TASL: variants seen among roughly 807,000 people sequenced by gnomAD.
TASL encodes the protein TLR adaptor interacting with endolysosomal SLC15A4.
Under a neutral mutation model 12.9 loss-of-function variants are expected in TASL, and 6 were observed. The observed-to-expected ratio is 0.46, with a 90% CI of 0.25 to 0.92. The LOEUF (loss-of-function observed/expected upper bound fraction) is 0.92. TASL is among the 40% of genes least tolerant of loss of function. The pLI, the probability that TASL is intolerant of heterozygous loss-of-function variation, is 0.17. For synonymous variants in TASL, 85 were observed against 79.3 expected (o/e 1.07, Z -0.38); for missense variants, 165 against 212.8 (o/e 0.78, Z 1.40).
intron 2 of TASL, among the ~76,000 whole-genome samples, chrX:30,573,166 C>T (rs1308047247): frequency 1.8e-5 from 2 of 112,201 alleles, no homozygotes; most frequent in Non-Finnish European, 3.8e-5. Flanking sequence ...ATACCCCTTC[C>T]AAGGCCACAC....
At chrX:30,575,136 CTATAT>C (rs1247369861) in intron 2 of TASL, among the ~76,000 whole-genome samples, 1 of 111,460 alleles carries the variant, frequency 9.0e-6, no homozygotes, top group African/African-American at 3.3e-5. Flanking sequence ...CTCTTTACCT[CTATAT>C]TATATTACCC....
At chrX:30,567,094 G>A (rs1243951491) in intron 2 of TASL, among the ~76,000 whole-genome samples, 1 of 110,365 alleles carries the variant, frequency 9.1e-6, no homozygotes, top group Non-Finnish European at 1.9e-5. Context: ...TTTGAGACCA[G>A]CTTGGGCAAT....
chrX:30,561,601 T>C lies in TASL; in HGVS notation c.-1-1245A>G, dbSNP rs778523296. Among the ~76,000 whole-genome samples the C allele has an allele frequency of 5.4e-5, 6 of 112,143 alleles. No individual in the cohort carries two copies. The South Asian group carries it at 2.2e-3, about 42-fold the overall frequency. On this transcript the variant is annotated intron_variant, in intron 2 of 2. Transcript: ENST00000378962. ...CCATACATAAAGGTCCTTTTAAAAA[T>C]TGTTAACATCTCTTTTACATTCATG... is the stretch of plus-strand genomic sequence containing the variant.
chrX:30,571,256 G>GAAAGAGAAAGAAAGAAAGAAAGAAAGAA (rs1179232270), intron 2 of TASL, among the ~76,000 whole-genome samples: 7 of 36,802 alleles, frequency 1.9e-4, no homozygotes, highest in African/African-American at 2.7e-4. Flanking sequence ...GAGAAAGAAA[G>GAAAGAGAAAGAAAGAAAGAAAGAAAGAA]AGAAAGAAAG....
At chrX:30,566,050 C>A (rs1431830034) in intron 2 of TASL, among the ~76,000 whole-genome samples, 1 of 109,917 alleles carries the variant, frequency 9.1e-6, no homozygotes, top group Non-Finnish European at 1.9e-5. Context: ...GGATTACAGG[C>A]ATGAGCCACT....
At chrX:30,567,895 A>T (rs1274035227) in intron 2 of TASL, among the ~76,000 whole-genome samples, 2 of 112,273 alleles carry the variant, frequency 1.8e-5, no homozygotes, top group African/African-American at 3.2e-5. Context: ...TGCAAGTATA[A>T]CTGTGATTAA....
At chrX:30,564,017 A>G (rs1204157198) in intron 2 of TASL, among the ~76,000 whole-genome samples, 3 of 111,696 alleles carry the variant, frequency 2.7e-5, no homozygotes, top group South Asian at 7.6e-4. Flanking sequence ...GATATGAGAA[A>G]CATCAAAATA....
At chrX:30,561,916 A>C (rs762060068) in intron 2 of TASL, among the ~76,000 whole-genome samples, 1 of 110,528 alleles carries the variant, frequency 9.0e-6, no homozygotes, top group Admixed American at 9.7e-5. Context: ...TTCTGCCCTC[A>C]AACCTAATAT....
rs1387706213 is a variant in TASL, at chrX:30,577,649, A to G, written c.-128T>C. The G allele has an allele frequency of 8.9e-6, 1 of 111,965 alleles. No homozygotes were observed. Among genetic ancestry groups the G allele is most frequent in the Non-Finnish European group, 1.9e-5 (1 of 53,232 alleles). 9.2% of individuals were successfully genotyped at this position (111,965 alleles called of 1,213,427 possible). ...TTTCTTTTTCTTACCTTCACTAACCAATCTGCTCATCTGATCCGGCAGAAA... is the reference window on the plus strand; with the variant it reads ...TTTCTTTTTCTTACCTTCACTAACCGATCTGCTCATCTGATCCGGCAGAAA... On this transcript the variant is annotated 5_prime_UTR_variant, in exon 1 of 3. Coordinates refer to ENST00000378962, the MANE Select transcript of TASL (RefSeq NM_025159.3).
rs1436485983 is a variant in TASL at position 30,558,909 on chromosome X, G to C, written c.*541C>G. On this transcript the variant is annotated 3_prime_UTR_variant, in exon 3 of 3. Coordinates refer to ENST00000378962, the MANE Select transcript of TASL (RefSeq NM_025159.3). ...TGCAACCTCTGCCTCTCAGGTTCAA[G>C]AGATTCTCCTGCCTCAGCCTCCCTA... 4 of 109,959 alleles carry C rather than the reference G, an allele frequency of 3.6e-5. No individual in the cohort carries two copies. The highest frequency in any genetic ancestry group is 7.6e-5 in the Non-Finnish European group (4 of 52,810). 9.1% of individuals were successfully genotyped at this position (109,959 alleles called of 1,213,427 possible).
chrX:30,577,692 C>G lies in TASL; in HGVS notation c.-171G>C, dbSNP rs1270544831. 1 of 112,429 alleles carries G rather than the reference C, an allele frequency of 8.9e-6. No individual in the cohort carries two copies. Among genetic ancestry groups the G allele is most frequent in the Non-Finnish European group, 1.9e-5 (1 of 53,379 alleles). The allele number at this position is 112,429 out of a possible 1,213,427, so 9.3% of individuals were successfully genotyped here. The stretch of plus-strand genomic sequence containing the variant: ...GGCAGAAACACAGCAACTGACCAAA[C>G]AGAGAGATGAACAAGCCAGCCAATG... On this transcript the variant is annotated 5_prime_UTR_variant, in exon 1 of 3. Transcript: ENST00000378962.
chrX:30,564,897 C>T (rs1305325910), intron 2 of TASL, among the ~76,000 whole-genome samples: 1 of 111,888 alleles, frequency 8.9e-6, no homozygotes, highest in Non-Finnish European at 1.9e-5. Context: ...CTCTGGCCCT[C>T]CTTAAGTTGC....
rs1371640749 is a variant in TASL, at chrX:30,561,650, A to G, written c.-1-1294T>C. On this transcript the variant is annotated intron_variant, in intron 2 of 2. Coordinates refer to ENST00000378962, the MANE Select transcript of TASL (RefSeq NM_025159.3). ...TGTAATTATTGTTTCCCAGGTAAAT[A>G]AAATGTTTCCCTTTTTTAAAAATTG... is the stretch of plus-strand genomic sequence containing the variant. Among the ~76,000 whole-genome samples the G allele has an allele frequency of 6.3e-5, 7 of 111,709 alleles. No homozygotes were observed. The East Asian group carries it at 1.9e-3, about 31-fold the overall frequency.
chrX:30,566,632 G>A (rs1211742618), intron 2 of TASL, among the ~76,000 whole-genome samples: 1 of 112,336 alleles, frequency 8.9e-6, no homozygotes, highest in Non-Finnish European at 1.9e-5. Context: ...TTGAAACAAA[G>A]ATGATATAGA....
intron 2 of TASL, among the ~76,000 whole-genome samples, chrX:30,571,314 G>GA (rs1930618703): frequency 1.0e-5 from 1 of 97,548 alleles, no homozygotes; most frequent in Non-Finnish European, 2.2e-5. Flanking sequence ...AAGAAAGAAA[G>GA]AAAGAAAGAA....
intron 2 of TASL, among the ~76,000 whole-genome samples, chrX:30,576,082 G>A (rs762160262): frequency 9.0e-6 from 1 of 111,437 alleles, no homozygotes; most frequent in Non-Finnish European, 1.9e-5. Flanking sequence ...CTTAATTGTA[G>A]GCATGTCAAC....
chrX:30,559,286 A>C lies in TASL; in HGVS notation c.*164T>G. ...TTACCATATTCCTTCATCAAGTGTA[A>C]TATTATGAGATTTCTCCATGATTCA... is the stretch of plus-strand genomic sequence containing the variant. On this transcript the variant is annotated 3_prime_UTR_variant, in exon 3 of 3. Transcript: ENST00000378962. The C allele has an allele frequency of 2.4e-6, 1 of 417,182 alleles. No homozygotes were observed. The highest frequency in any genetic ancestry group is 4.2e-6 in the Non-Finnish European group (1 of 240,664). 34.4% of individuals were successfully genotyped at this position (417,182 alleles called of 1,213,427 possible). A position where few individuals can be genotyped will look rare whatever the true frequency, so the allele number is the denominator to read the frequency against.
chrX:30,567,958 C>T (rs1930524275), intron 2 of TASL, among the ~76,000 whole-genome samples: 2 of 111,651 alleles, frequency 1.8e-5, no homozygotes, highest in South Asian at 7.5e-4. Context: ...AACTAAGGGC[C>T]AGGTACGGTG....
At chrX:30,571,615 G>A (rs1399800932) in intron 2 of TASL, among the ~76,000 whole-genome samples, 1 of 63,243 alleles carries the variant, frequency 1.6e-5, no homozygotes, top group Admixed American at 2.1e-4. Flanking sequence ...GCGATAGAAC[G>A]AGACTCCATC....
Sources: gnomAD v4.1 joint callset for allele counts (sites outside exome capture counted in the v4.1 genomes callset) on GRCh38, gnomAD v4.1.1 for gene constraint, MANE v1.5 for transcripts, NCBI Gene and HGNC (gene_info 2026-07-23, HGNC 2026-07-21) for gene names.